Variants in DIP2B observed in about 807,000 individuals in gnomAD.
DIP2B encodes disco-interacting protein 2 homolog B.
DIP2B carries 76 observed loss-of-function variants against 198.0 expected under a neutral mutation model. That is an observed-to-expected ratio of 0.38 (90% CI 0.32 to 0.46). DIP2B has a LOEUF of 0.46. DIP2B is among the 20% of genes least tolerant of loss of function. The pLI is 0.99. For missense variants in DIP2B, 1,559 were observed against 1,978.4 expected (o/e 0.79, Z 4.02); for synonymous variants, 701 against 739.1 (o/e 0.95, Z 0.84).
intron 11 of DIP2B, among the ~76,000 whole-genome samples, 186 bp from the exon 12 acceptor site, chr12:50,686,387 G>A (rs765044521): frequency 5.3e-5 from 8 of 152,206 alleles, no homozygotes; most frequent in Non-Finnish European, 1.0e-4. Flanking sequence ...CATGTGGAAC[G>A]ATTGTACTTT....
intron 1 of DIP2B, among the ~76,000 whole-genome samples, chr12:50,569,642 A>G: frequency 6.6e-6 from 1 of 152,106 alleles, no homozygotes; most frequent in East Asian, 1.9e-4. Flanking sequence ...TGGCCACCAG[A>G]CTGTTTTCTT....
intron 1 of DIP2B, among the ~76,000 whole-genome samples, chr12:50,585,243 C>T (rs1356201305): frequency 6.6e-6 from 1 of 152,230 alleles, no homozygotes; most frequent in Non-Finnish European, 1.5e-5. Context: ...TGATTGAGTG[C>T]CTATTCTGTG....
At chr12:50,532,975 T>C (rs530260151) in intron 1 of DIP2B, among the ~76,000 whole-genome samples, 27 of 152,228 alleles carry the variant, frequency 1.8e-4, no homozygotes, top group Admixed American at 5.9e-4. Flanking sequence ...TCTGATTCAT[T>C]TGACAGGAAA....
At chr12:50,723,355 A>G in intron 27 of DIP2B, 32 bp downstream of exon 27, 2 of 1,610,294 alleles carry the variant, frequency 1.2e-6, no homozygotes, top group Middle Eastern at 3.3e-4. Context: ...CCTTGTCCTC[A>G]TCTCCTAAAA....
chr12:50,634,940 G>A (rs972300582), intron 2 of DIP2B, among the ~76,000 whole-genome samples: 10 of 152,046 alleles, frequency 6.6e-5, no homozygotes, highest in African/African-American at 2.4e-4. Context: ...ATTATAGAGT[G>A]GTCTCTTGTA....
intron 34 of DIP2B, 52 bp from the exon 35 acceptor site, chr12:50,736,984 G>T: frequency 6.3e-7 from 1 of 1,577,680 alleles, no homozygotes; most frequent in South Asian, 1.1e-5. Context: ...GTTTCCTGGA[G>T]GTCATTAGAT....
intron 1 of DIP2B, among the ~76,000 whole-genome samples, chr12:50,609,242 A>G (rs1445033235): frequency 6.6e-6 from 1 of 152,218 alleles, no homozygotes; most frequent in African/African-American, 2.4e-5. Context: ...TTTTAGTACC[A>G]TGGTTTATGG....
At chr12:50,730,587 C>T (rs1170513871) in intron 30 of DIP2B, among the ~76,000 whole-genome samples, 1 of 151,982 alleles carries the variant, frequency 6.6e-6, no homozygotes, top group Non-Finnish European at 1.5e-5. Context: ...GAGTTTTGCT[C>T]TATTACCCAG....
intron 1 of DIP2B, among the ~76,000 whole-genome samples, chr12:50,518,108 T>C (rs1287535165): frequency 6.6e-6 from 1 of 152,222 alleles, no homozygotes; most frequent in African/African-American, 2.4e-5. Flanking sequence ...ACAATGTATC[T>C]TCCCACCTGT....
rs756850362 is a variant in DIP2B at position 50,674,545 on chromosome 12, G to A, written c.712G>A (p.Ala238Thr). 8 of 1,614,036 alleles carry A rather than the reference G, an allele frequency of 5.0e-6. No homozygotes were observed. In the East Asian group the frequency reaches 1.6e-4, roughly 31 times the overall value. Residue 238 changes from alanine (A) to threonine (T), a missense_variant, in exon 6 of 38, where the codon GCA (alanine) becomes ACA (threonine). Coordinates refer to ENST00000301180, the MANE Select transcript of DIP2B (RefSeq NM_173602.3). Reference sequence around the variant, plus strand: ...CTCATCATCTTCCTCAATTCGCCCAGCAAACATTGACCTGCCCCCCTCGGG... The same window carrying A: ...CTCATCATCTTCCTCAATTCGCCCAACAAACATTGACCTGCCCCCCTCGGG... Reference protein sequence around the residue: ...SSSSSSSIRPANIDLPPSGIV... With the variant: ...SSSSSSSIRPTNIDLPPSGIV...
intron 1 of DIP2B, among the ~76,000 whole-genome samples, chr12:50,566,971 C>CAAAAAAAA (rs34854416): frequency 2.2e-4 from 17 of 78,108 alleles, no homozygotes; most frequent in Admixed American, 2.9e-4. Flanking sequence ...GACTCCGTCT[C>CAAAAAAAA]AAAAAAAAAA....
rs200562681 is a variant in DIP2B at position 50,739,630 on chromosome 12, G to A, written c.4354+44G>A. The A allele has an allele frequency of 1.8e-3, 2,920 of 1,604,786 alleles. 1 individual carries two copies. The highest frequency in any genetic ancestry group is 2.3e-3 in the Admixed American group (138 of 59,782). On this transcript the variant is annotated intron_variant, in intron 36 of 37. Transcript: ENST00000301180. ...CCCATTGACCCTGCTTTGTGTTTCT[G>A]TAGCACTAGCTGACCTCCTTCAGCC...
intron 3 of DIP2B, among the ~76,000 whole-genome samples, chr12:50,642,782 C>G (rs1282675470): frequency 6.6e-6 from 1 of 152,044 alleles, no homozygotes; most frequent in Admixed American, 6.5e-5. Flanking sequence ...GAGCGAGACT[C>G]TGTCTCAAAA....
At chr12:50,698,975 C>A in intron 18 of DIP2B, 91 bp from the exon 19 acceptor site, 2 of 1,462,880 alleles carry the variant, frequency 1.4e-6, no homozygotes, top group South Asian at 1.3e-5. Context: ...TCAGTAAAGG[C>A]AGGACTTTCT....
chr12:50,541,141 G>A (rs1215250609), intron 1 of DIP2B, among the ~76,000 whole-genome samples: 8 of 152,128 alleles, frequency 5.3e-5, no homozygotes, highest in Admixed American at 2.0e-4. Context: ...AAGAATCAGT[G>A]TAACTTGCAT....
chr12:50,631,742 T>C (rs1938059493), intron 2 of DIP2B, among the ~76,000 whole-genome samples: 1 of 152,200 alleles, frequency 6.6e-6, no homozygotes, highest in South Asian at 2.1e-4. Flanking sequence ...TAAATTTTCT[T>C]CTTCTTAAAG....
At chr12:50,564,756 AT>A (rs1041866233) in intron 1 of DIP2B, among the ~76,000 whole-genome samples, 3 of 152,042 alleles carry the variant, frequency 2.0e-5, no homozygotes, top group African/African-American at 7.2e-5. Flanking sequence ...TAGTATGTTA[AT>A]TTTGTCATTG....
chr12:50,594,722 AAT>A (rs1344309387), intron 1 of DIP2B, among the ~76,000 whole-genome samples: 1 of 152,202 alleles, frequency 6.6e-6, no homozygotes, highest in Non-Finnish European at 1.5e-5. Flanking sequence ...AAAATATCAA[AAT>A]ATATTTAAAA....
At chr12:50,537,987 G>GA (rs1434546768) in intron 1 of DIP2B, among the ~76,000 whole-genome samples, 12 of 152,132 alleles carry the variant, frequency 7.9e-5, no homozygotes, top group African/African-American at 2.9e-4. Context: ...TTGAAGTTGG[G>GA]AAAAAGGAAT....
Sources: gnomAD v4.1 joint callset for allele counts (sites outside exome capture counted in the v4.1 genomes callset) on GRCh38, gnomAD v4.1.1 for gene constraint, MANE v1.5 for transcripts, NCBI Gene and HGNC (gene_info 2026-07-23, HGNC 2026-07-21) for gene names.